Variants in POLE2 observed in about 807,000 individuals in gnomAD.
POLE2 encodes DNA polymerase epsilon 2, accessory subunit.
Under a neutral mutation model 79.4 loss-of-function variants are expected in POLE2, and 56 were observed. That is an observed-to-expected ratio of 0.71 (90% confidence interval 0.57 to 0.88). POLE2 has a LOEUF of 0.88. POLE2 is among the 40% of genes least tolerant of loss of function. POLE2 has a pLI of 0.00. For synonymous variants in POLE2, 212 were observed against 214.0 expected (o/e 0.99, Z 0.08); for missense variants, 598 against 638.9 (o/e 0.94, Z 0.69).
intron 3 of POLE2, 126 bp from the exon 4 acceptor site, chr14:49,674,553 C>T: frequency 6.1e-6 from 4 of 656,034 alleles, no homozygotes; most frequent in Non-Finnish European, 1.1e-5. Flanking sequence ...GCCAGGCACA[C>T]AATTTCTTTT....
chr14:49,673,140 T>A (rs1566559952), intron 5 of POLE2, among the ~76,000 whole-genome samples: 1 of 151,654 alleles, frequency 6.6e-6, no homozygotes, highest in South Asian at 2.1e-4. Context: ...GCTGCTTGAG[T>A]GTGATGCCCT....
At chr14:49,649,070 T>G (rs1210063504) in intron 17 of POLE2, among the ~76,000 whole-genome samples, 2 of 152,052 alleles carry the variant, frequency 1.3e-5, no homozygotes, top group Non-Finnish European at 2.9e-5. Flanking sequence ...TTGACATAAC[T>G]GTGTTTATGT....
At chr14:49,660,425 TTTTCC>T (rs1594578979) in intron 10 of POLE2, among the ~76,000 whole-genome samples, 5 of 152,210 alleles carry the variant, frequency 3.3e-5, no homozygotes, top group African/African-American at 9.6e-5. Flanking sequence ...TTACAGGTGA[TTTTCC>T]TTTCCTTTTG....
intron 12 of POLE2, 73 bp from the exon 13 acceptor site, chr14:49,654,911 C>T: frequency 1.4e-6 from 2 of 1,392,262 alleles, no homozygotes; most frequent in Admixed American, 2.6e-5. Flanking sequence ...AGATACAATC[C>T]TGTATATTCT....
chr14:49,686,215 CA>C (rs1887125658), intron 1 of POLE2, among the ~76,000 whole-genome samples: 1 of 151,914 alleles, frequency 6.6e-6, no homozygotes, highest in South Asian at 2.1e-4. Context: ...TAGAATATAG[CA>C]AAAGGGATAG....
intron 5 of POLE2, among the ~76,000 whole-genome samples, chr14:49,671,044 G>A (rs1885850373): frequency 6.6e-6 from 1 of 152,156 alleles, no homozygotes; most frequent in African/African-American, 2.4e-5. Context: ...TCATTTTCTG[G>A]AAGATAATTG....
chr14:49,646,137 T>C (rs559957716), intron 18 of POLE2, among the ~76,000 whole-genome samples: 92 of 152,246 alleles, frequency 6.0e-4, no homozygotes, highest in South Asian at 1.2e-3. Flanking sequence ...TTTAATTTTA[T>C]ATTTATAAGC....
chr14:49,683,151 T>C lies in POLE2; in HGVS notation c.169+442A>G, dbSNP rs540911213. On this transcript the variant is annotated intron_variant, in intron 2 of 18. Transcript: ENST00000216367. The stretch of plus-strand genomic sequence containing the variant: ...GTGTGGTGGCTCCCGCCTGTAATCC[T>C]AGCACTTTGGGAGGCCGAGGCAGGT... Among the ~76,000 whole-genome samples the C allele has an allele frequency of 1.3e-4, 20 of 152,122 alleles. No homozygotes were observed. The East Asian group carries it at 3.1e-3, about 24-fold the overall frequency.
At chr14:49,673,982 TTAA>T (rs1252782943) in intron 5 of POLE2, 138 bp downstream of exon 5, 1 of 672,994 alleles carries the variant, frequency 1.5e-6, no homozygotes, top group Non-Finnish European at 2.7e-6. Flanking sequence ...CACAGAAATC[TTAA>T]TAACAGTTTA....
intron 3 of POLE2, 190 bp downstream of exon 3, chr14:49,679,535 A>G: frequency 2.0e-6 from 1 of 511,984 alleles, no homozygotes; most frequent in South Asian, 3.2e-5. Flanking sequence ...AAATCCCAGG[A>G]AAAACCAGTA....
intron 1 of POLE2, among the ~76,000 whole-genome samples, chr14:49,686,908 CA>C (rs1887177042): frequency 6.6e-6 from 1 of 151,910 alleles, no homozygotes; most frequent in South Asian, 2.1e-4. Flanking sequence ...CAAAACCAAC[CA>C]AAAATCTACA....
At chr14:49,680,353 C>CA (rs34930369) in intron 2 of POLE2, among the ~76,000 whole-genome samples, 36,618 of 139,866 alleles carry the variant, frequency 0.26, 5,450 homozygotes, top group African/African-American at 0.44. Flanking sequence ...GATACTATCT[C>CA]AAAAAAAAAA....
intron 5 of POLE2, among the ~76,000 whole-genome samples, chr14:49,670,973 A>C (rs1457710845): frequency 1.3e-5 from 2 of 152,224 alleles, no homozygotes; most frequent in African/African-American, 4.8e-5. Context: ...CCAGCCAAGA[A>C]GTTTGTCCTA....
chr14:49,652,950 G>C (rs572987871), intron 15 of POLE2, among the ~76,000 whole-genome samples: 2 of 152,048 alleles, frequency 1.3e-5, no homozygotes, highest in Non-Finnish European at 2.9e-5. Flanking sequence ...GAGGTATAGA[G>C]AGAGAGCAGA....
chr14:49,685,775 C>T (rs1366902984), intron 1 of POLE2, among the ~76,000 whole-genome samples: 1 of 151,024 alleles, frequency 6.6e-6, no homozygotes, highest in Non-Finnish European at 1.5e-5. Flanking sequence ...CACATCACCA[C>T]GTCTGGCTGG....
At chr14:49,668,765 T>C (rs1180512777) in intron 6 of POLE2, among the ~76,000 whole-genome samples, 4 of 152,134 alleles carry the variant, frequency 2.6e-5, no homozygotes, top group South Asian at 2.1e-4. Context: ...ATATAAGTAA[T>C]GTCAATTTCT....
intron 5 of POLE2, among the ~76,000 whole-genome samples, chr14:49,671,401 G>A (rs551003850): frequency 2.0e-5 from 3 of 151,678 alleles, no homozygotes; most frequent in East Asian, 3.9e-4. Flanking sequence ...GGTGGATCAC[G>A]AGGTCAGGAG....
intron 6 of POLE2, among the ~76,000 whole-genome samples, chr14:49,668,038 G>GA (rs1227426930): frequency 6.6e-6 from 1 of 152,174 alleles, no homozygotes; most frequent in Non-Finnish European, 1.5e-5. Context: ...TTGGGAGGCT[G>GA]AGGCGGGCGG....
chr14:49,669,355 C>A (rs1316396785), intron 6 of POLE2, among the ~76,000 whole-genome samples, 169 bp downstream of exon 6: 5 of 152,204 alleles, frequency 3.3e-5, no homozygotes. Flanking sequence ...ATTTGTGGGA[C>A]ACAGGACTCT....
Sources: gnomAD v4.1 joint callset for allele counts (sites outside exome capture counted in the v4.1 genomes callset) on GRCh38, gnomAD v4.1.1 for gene constraint, MANE v1.5 for transcripts, NCBI Gene and HGNC (gene_info 2026-07-23, HGNC 2026-07-21) for gene names.